The following FAM78B variants were observed in gnomAD, a reference collection of about 807,000 sequenced individuals.
FAM78B encodes family with sequence similarity 78 member B, also known as protein FAM78B.
A neutral mutation model predicts 20.0 loss-of-function variants in FAM78B; 10 were observed. The ratio of observed to expected loss-of-function variants is 0.50; its 90% CI spans 0.31 to 0.85. The LOEUF is 0.85. FAM78B is among the 40% of genes least tolerant of loss of function. The probability of loss-of-function intolerance (pLI) is 0.05; values close to 1 mark genes in which losing one functional copy is unlikely to be tolerated. For synonymous variants in FAM78B, 135 were observed against 132.8 expected, an observed-to-expected ratio of 1.02 and a Z score of -0.12; for missense variants, 283 against 345.0, an observed-to-expected ratio of 0.82 and a Z score of 1.42.
intron 1 of FAM78B, among the ~76,000 whole-genome samples, chr1:166,098,909 C>G (rs1194950559): frequency 6.6e-6 from 1 of 152,162 alleles, no homozygotes; most frequent in Non-Finnish European, 1.5e-5. Flanking sequence ...CTGGGAAATT[C>G]ATCACGAAAA....
intron 1 of FAM78B, among the ~76,000 whole-genome samples, chr1:166,156,625 G>A (rs1181243730): frequency 1.3e-5 from 2 of 152,252 alleles, no homozygotes; most frequent in Middle Eastern, 3.4e-3. Context: ...ATTATGAGAG[G>A]TCCCCTTATA....
At chr1:166,077,157 A>T (rs549767416) in intron 1 of FAM78B, among the ~76,000 whole-genome samples, 8 of 152,242 alleles carry the variant, frequency 5.3e-5, no homozygotes, top group African/African-American at 1.9e-4. Context: ...AAGGGAATTA[A>T]CAAGCACAAG....
intron 1 of FAM78B, among the ~76,000 whole-genome samples, chr1:166,127,326 C>T (rs1169632055): frequency 6.6e-6 from 1 of 152,192 alleles, no homozygotes; most frequent in Non-Finnish European, 1.5e-5. Context: ...CTGCCTCCAC[C>T]CCAATCACCA....
chr1:166,157,855 C>A (rs956881346), intron 1 of FAM78B, among the ~76,000 whole-genome samples: 30 of 152,144 alleles, frequency 2.0e-4, no homozygotes, highest in Admixed American at 3.9e-4. Context: ...CAGCTTGCAG[C>A]CCGAGAACTG....
chr1:166,058,539 T>C (rs1557883156), exon 3 of FAM78B: 1 of 147,628 alleles, frequency 6.8e-6, no homozygotes, highest in Non-Finnish European at 1.5e-5. Context: ...GTGTGTGTAG[T>C]GTGTCTAACA....
Position 166,163,583 on chromosome 1 carries a change from C to T in FAM78B, c.263+2403G>A, listed in dbSNP as rs542901581. On this transcript the variant is annotated intron_variant, in intron 1 of 1. Coordinates refer to ENST00000354422, the MANE Select transcript of FAM78B (RefSeq NM_001017961.5). ...AACACTGCACAGAGGTGAAAAATCACTCCATGCTATTTTTTACAATCCAGA... is the reference window on the plus strand; with the variant it reads ...AACACTGCACAGAGGTGAAAAATCATTCCATGCTATTTTTTACAATCCAGA... 8.5e-5 allele frequency among the ~76,000 whole-genome samples: 13 copies of T among 152,326 alleles called. No individual in the cohort carries two copies. The East Asian group carries it at 9.6e-4, about 11-fold the overall frequency.
intron 1 of FAM78B, among the ~76,000 whole-genome samples, chr1:166,143,241 A>C (rs1445506370): frequency 2.0e-5 from 3 of 152,146 alleles, no homozygotes; most frequent in Non-Finnish European, 4.4e-5. Context: ...GGCCTAATTC[A>C]GACTGGGGGA....
downstream of FAM78B, among the ~76,000 whole-genome samples, chr1:166,056,593 C>G (rs1651355072): frequency 6.6e-6 from 1 of 152,178 alleles, no homozygotes; most frequent in Admixed American, 6.5e-5. Flanking sequence ...ATTCCAGAAA[C>G]CTAACTGCCT....
chr1:166,127,086 T>C (rs1458622817), intron 1 of FAM78B, among the ~76,000 whole-genome samples: 1 of 152,204 alleles, frequency 6.6e-6, no homozygotes. Flanking sequence ...CTGGGTGACA[T>C]ATAATGTTAA....
chr1:166,133,925 C>A (rs539321762), intron 1 of FAM78B, among the ~76,000 whole-genome samples: 1 of 152,342 alleles, frequency 6.6e-6, no homozygotes, highest in East Asian at 1.9e-4. Flanking sequence ...TGTCTCATTT[C>A]ATCCTCATCA....
intron 1 of FAM78B, among the ~76,000 whole-genome samples, chr1:166,126,428 A>G (rs75022803): frequency 6.6e-6 from 1 of 152,342 alleles, no homozygotes; most frequent in East Asian, 1.9e-4. Flanking sequence ...AGGGAGAAAT[A>G]GTATGGATGA....
intron 1 of FAM78B, among the ~76,000 whole-genome samples, chr1:166,084,229 ACACACACACTCT>A (rs1372677311): frequency 3.0e-5 from 4 of 133,588 alleles, no homozygotes; most frequent in Non-Finnish European, 4.9e-5. Context: ...ACACACACAC[ACACACACACTCT>A]CTCTCTCTCT....
chr1:166,106,826 C>T (rs1653805672), intron 1 of FAM78B, among the ~76,000 whole-genome samples: 1 of 152,000 alleles, frequency 6.6e-6, no homozygotes, highest in Non-Finnish European at 1.5e-5. Context: ...CTCAGCATTA[C>T]ACAATATACC....
At chr1:166,075,419 C>T (rs1374734329) in intron 1 of FAM78B, among the ~76,000 whole-genome samples, 4 of 152,110 alleles carry the variant, frequency 2.6e-5, no homozygotes, top group Non-Finnish European at 4.4e-5. Context: ...GCAAGTATGG[C>T]TGATTGTGTG....
Position 166,070,426 on chromosome 1 carries a change from G to A in FAM78B, c.601C>T (p.Pro201Ser). 1 of 1,614,162 alleles carries A rather than the reference G, an allele frequency of 6.2e-7. No homozygotes were observed. The highest frequency in any genetic ancestry group is 8.5e-7 in the Non-Finnish European group (1 of 1,180,026). ...WRMRVDIEVD[P>S]LQLLGQRARL... Reference sequence around the variant, plus strand: ...GCCCGCTGCCCCAAGAGCTGAAGAGGGTCCACTTCAATGTCCACCCTCATC... The same window carrying A: ...GCCCGCTGCCCCAAGAGCTGAAGAGAGTCCACTTCAATGTCCACCCTCATC... Residue 201 changes from proline (P) to serine (S), a missense_variant, in exon 2 of 2, where the codon CCT (proline) becomes TCT (serine). Physicochemically the swap from Pro to Ser is moderately conservative, Grantham distance 74. Transcript: ENST00000354422.
At chr1:166,147,638 T>C (rs535141311) in intron 1 of FAM78B, 2 of 130,274 alleles carry the variant, frequency 1.5e-5, no homozygotes, top group Admixed American at 9.1e-5. Flanking sequence ...AACACCATGA[T>C]TTTTTTTTTT....
At chr1:166,139,300 G>A (rs1436768963) in intron 1 of FAM78B, among the ~76,000 whole-genome samples, 5 of 152,136 alleles carry the variant, frequency 3.3e-5, no homozygotes, top group African/African-American at 1.2e-4. Flanking sequence ...ATCAGTAGAA[G>A]AATTCCAAAA....
chr1:166,066,408 A>T (rs953171010), downstream of FAM78B, among the ~76,000 whole-genome samples: 30 of 152,320 alleles, frequency 2.0e-4, no homozygotes, highest in African/African-American at 6.7e-4. Context: ...GACAGTGTAG[A>T]TGAAAGGGAC....
chr1:166,063,310 G>T (rs749476457), intron 2 of FAM78B, among the ~76,000 whole-genome samples: 4 of 152,198 alleles, frequency 2.6e-5, no homozygotes, highest in Admixed American at 6.5e-5. Context: ...CTCCCTGCTT[G>T]ATCTTCTTGT....
Sources: gnomAD v4.1 joint callset for allele counts (sites outside exome capture counted in the v4.1 genomes callset) on GRCh38, gnomAD v4.1.1 for gene constraint, MANE v1.5 for transcripts, NCBI Gene and HGNC (gene_info 2026-07-23, HGNC 2026-07-21) for gene names.